Variants in PPM1L observed in about 807,000 individuals in gnomAD.
The protein encoded by PPM1L is protein phosphatase, Mg2+/Mn2+ dependent 1L.
Under a neutral mutation model 31.4 loss-of-function variants are expected in PPM1L, and 13 were observed. That is an observed-to-expected ratio of 0.41 (90% CI 0.27 to 0.66). The LOEUF (loss-of-function observed/expected upper bound fraction) is 0.66, where lower values mean the gene tolerates loss of function less well. PPM1L is among the 30% of genes least tolerant of loss of function. PPM1L has a pLI of 0.29. For missense variants in PPM1L, 326 were observed against 453.7 expected, an observed-to-expected ratio of 0.72 and a Z score of 2.56; for synonymous variants, 184 against 175.4, an observed-to-expected ratio of 1.05 and a Z score of -0.39.
intron 1 of PPM1L, among the ~76,000 whole-genome samples, chr3:160,795,550 T>A (rs1056173924): frequency 6.6e-6 from 1 of 152,174 alleles, no homozygotes; most frequent in African/African-American, 2.4e-5. Context: ...GTAAGTTGGG[T>A]GCAGTGCCTC....
chr3:160,871,326 T>C (rs531724988), intron 1 of PPM1L, among the ~76,000 whole-genome samples: 1 of 151,764 alleles, frequency 6.6e-6, no homozygotes, highest in South Asian at 2.1e-4. Flanking sequence ...ACAGATCTGA[T>C]GTATTTCAGA....
chr3:160,841,513 C>A (rs183115152), intron 1 of PPM1L, among the ~76,000 whole-genome samples: 1 of 152,104 alleles, frequency 6.6e-6, no homozygotes, highest in Admixed American at 6.6e-5. Context: ...GTAATGACAA[C>A]ATTAGGAGGA....
chr3:160,948,330 A>AT (rs74612859), intron 1 of PPM1L, among the ~76,000 whole-genome samples: 54,662 of 151,938 alleles, frequency 0.36, 12,584 homozygotes, highest in Non-Finnish European at 0.52. Flanking sequence ...CCTCTTGCTA[A>AT]AATAAGATAC....
chr3:161,020,680 G>C (rs191694619), intron 2 of PPM1L, among the ~76,000 whole-genome samples: 1 of 151,972 alleles, frequency 6.6e-6, no homozygotes, highest in Non-Finnish European at 1.5e-5. Flanking sequence ...TCTGGGTCAG[G>C]GTTTTTCTTT....
At chr3:160,938,488 T>C (rs568453768) in intron 1 of PPM1L, among the ~76,000 whole-genome samples, 2 of 152,360 alleles carry the variant, frequency 1.3e-5, no homozygotes, top group East Asian at 3.9e-4. Context: ...ATCTTTACTC[T>C]GCTATTAGTC....
chr3:161,034,187 A>G (rs907192157), intron 2 of PPM1L, among the ~76,000 whole-genome samples: 1 of 152,222 alleles, frequency 6.6e-6, no homozygotes, highest in Non-Finnish European at 1.5e-5. Flanking sequence ...TAAAGTCAGG[A>G]AACAACAGAT....
intron 1 of PPM1L, among the ~76,000 whole-genome samples, chr3:160,835,225 T>C (rs1228309752): frequency 6.7e-6 from 1 of 149,892 alleles, no homozygotes; most frequent in African/African-American, 2.5e-5. Context: ...GTGAAGCTAT[T>C]TGTAGTTTGT....
At chr3:160,981,606 C>G (rs1160665195) in intron 2 of PPM1L, among the ~76,000 whole-genome samples, 6 of 152,070 alleles carry the variant, frequency 3.9e-5, no homozygotes, top group Non-Finnish European at 7.4e-5. Context: ...GGTATGAATA[C>G]TAGGAGATGG....
At chr3:160,863,192 A>G (rs570251644) in intron 1 of PPM1L, among the ~76,000 whole-genome samples, 19 of 152,348 alleles carry the variant, frequency 1.2e-4, no homozygotes, top group South Asian at 6.2e-4. Flanking sequence ...AAAATACCAC[A>G]TTAAACTAGT....
chr3:161,012,850 G>T (rs1357150654), intron 2 of PPM1L, among the ~76,000 whole-genome samples: 1 of 152,122 alleles, frequency 6.6e-6, no homozygotes, highest in African/African-American at 2.4e-5. Context: ...ATTTCTGTGG[G>T]ATCGGTGGTG....
intron 2 of PPM1L, among the ~76,000 whole-genome samples, chr3:161,001,919 G>A (rs1029786069): frequency 6.6e-5 from 10 of 152,000 alleles, no homozygotes; most frequent in Non-Finnish European, 1.5e-4. Context: ...CATGTGACAT[G>A]CTGGTGCGCT....
At chr3:160,941,960 G>C (rs1464252891) in intron 1 of PPM1L, among the ~76,000 whole-genome samples, 3 of 152,212 alleles carry the variant, frequency 2.0e-5, no homozygotes, top group Non-Finnish European at 4.4e-5. Flanking sequence ...CCAGCCCTCT[G>C]CTTTTCATAG....
At chr3:160,892,455 T>TC (rs1445786173) in intron 1 of PPM1L, among the ~76,000 whole-genome samples, 1 of 152,100 alleles carries the variant, frequency 6.6e-6, no homozygotes, top group African/African-American at 2.4e-5. Context: ...AGGCCCTACC[T>TC]CCAACACTGG....
intron 1 of PPM1L, among the ~76,000 whole-genome samples, chr3:160,875,485 A>G (rs969183257): frequency 3.3e-5 from 5 of 152,222 alleles, no homozygotes; most frequent in Admixed American, 6.5e-5. Context: ...TCCTTCTATT[A>G]GGATCCTAAC....
chr3:161,045,511 C>T (rs1000097086), intron 2 of PPM1L, among the ~76,000 whole-genome samples: 1 of 152,204 alleles, frequency 6.6e-6, no homozygotes, highest in African/African-American at 2.4e-5. Flanking sequence ...CAACCTGCTC[C>T]TGAATGACTA....
At chr3:161,042,928 G>A (rs1336428562) in intron 2 of PPM1L, among the ~76,000 whole-genome samples, 1 of 151,518 alleles carries the variant, frequency 6.6e-6, no homozygotes, top group Admixed American at 6.6e-5. Context: ...GCTGAGGCAG[G>A]AGAATTGCTT....
chr3:160,776,701 C>G lies in PPM1L; in HGVS notation c.399+19994C>G, dbSNP rs571152534. Among the ~76,000 whole-genome samples the G allele has an allele frequency of 2.9e-4, 43 of 150,334 alleles. No homozygotes were observed. The South Asian group carries it at 4.6e-3, about 16-fold the overall frequency. ...TCACTGCAGCCTCTACCTCTGGGTT[C>G]TAACGATTCTCCTGCCTCAGCCTCC... On this transcript the variant is annotated intron_variant, in intron 1 of 3. Transcript: ENST00000498165.
chr3:161,046,110 C>CAAAAAAAA lies in PPM1L; in HGVS notation c.575-19276_575-19269dup, dbSNP rs58794623. On this transcript the variant is annotated intron_variant, in intron 2 of 3. Coordinates refer to ENST00000498165, the MANE Select transcript of PPM1L (RefSeq NM_139245.4). The stretch of plus-strand genomic sequence containing the variant: ...TGGGTGACAGAGCGAGACTCTGTCT[C>CAAAAAAAA]AAAAAAAAAAAAAAAAAAAAAAAAT... Among the ~76,000 whole-genome samples the CAAAAAAAA allele has an allele frequency of 1.4e-3, 70 of 50,298 alleles. 7 individuals carry two copies. Among genetic ancestry groups the CAAAAAAAA allele is most frequent in the African/African-American group, 4.0e-3 (39 of 9,872 alleles). 33.0% of individuals were successfully genotyped at this position (50,298 alleles called of 152,430 possible).
At chr3:160,947,263 A>C (rs374090193) in intron 1 of PPM1L, among the ~76,000 whole-genome samples, 68 of 152,248 alleles carry the variant, frequency 4.5e-4, no homozygotes, top group African/African-American at 1.6e-3. Context: ...TCCCTTCCTT[A>C]ATGTTCCTCA....
Sources: allele counts gnomAD v4.1 joint callset (sites outside exome capture counted in the v4.1 genomes callset), GRCh38; gene constraint gnomAD v4.1.1; transcripts MANE v1.5; gene names NCBI Gene and HGNC (gene_info 2026-07-23, HGNC 2026-07-21).